The following SYNDIG1 variants were observed in gnomAD, a reference collection of about 807,000 sequenced individuals.
The protein encoded by SYNDIG1 is synapse differentiation-inducing gene protein 1.
Under a neutral mutation model 19.4 loss-of-function variants are expected in SYNDIG1, and 9 were observed. The observed-to-expected ratio is 0.46, with a 90% confidence interval of 0.28 to 0.81. SYNDIG1 has a LOEUF of 0.81. Ranked by LOEUF, SYNDIG1 falls within the 30% of genes least tolerant of loss-of-function variation. The pLI, the probability that SYNDIG1 is intolerant of heterozygous loss-of-function variation, is 0.12. For synonymous variants in SYNDIG1, 141 were observed against 145.9 expected (o/e 0.97, Z 0.24); for missense variants, 311 against 343.3 (o/e 0.91, Z 0.74).
intron 3 of SYNDIG1, among the ~76,000 whole-genome samples, chr20:24,634,838 G>A (rs760969081): frequency 2.0e-5 from 3 of 152,166 alleles, no homozygotes; most frequent in Non-Finnish European, 4.4e-5. Context: ...AAGGAGTCCT[G>A]GAGTATCTTC....
At chr20:24,615,762 C>T (rs1002480881) in intron 3 of SYNDIG1, among the ~76,000 whole-genome samples, 16 of 152,098 alleles carry the variant, frequency 1.1e-4, no homozygotes, top group African/African-American at 3.6e-4. Flanking sequence ...TGCTGCTGCC[C>T]GAAGTTCTTA....
intron 3 of SYNDIG1, among the ~76,000 whole-genome samples, chr20:24,588,540 G>A (rs75493168): frequency 0.02 from 3,085 of 152,250 alleles, 53 homozygotes; most frequent in Middle Eastern, 0.058. Context: ...AGAGTCTCTG[G>A]GGCAAAGCCC....
intron 3 of SYNDIG1, among the ~76,000 whole-genome samples, chr20:24,585,334 G>T (rs1202731588): frequency 6.6e-6 from 1 of 152,196 alleles, no homozygotes. Context: ...GTGTGTGTGG[G>T]GTGACCCCAG....
chr20:24,531,631 G>A (rs201740188), intron 1 of SYNDIG1, among the ~76,000 whole-genome samples: 2 of 150,114 alleles, frequency 1.3e-5, no homozygotes, highest in Non-Finnish European at 3.0e-5. Flanking sequence ...AGACAATTTT[G>A]AAAAAAAAAA....
chr20:24,643,443 C>T (rs974474852), intron 3 of SYNDIG1, among the ~76,000 whole-genome samples: 3 of 151,698 alleles, frequency 2.0e-5, no homozygotes, highest in South Asian at 2.1e-4. Context: ...GCTAGAGTGC[C>T]GTGTTCATGA....
At chr20:24,655,107 T>A (rs1241732742) in intron 3 of SYNDIG1, among the ~76,000 whole-genome samples, 1 of 152,042 alleles carries the variant, frequency 6.6e-6, no homozygotes, top group African/African-American at 2.4e-5. Context: ...GCAAAACAAA[T>A]TTCCAAAGTG....
At chr20:24,558,259 T>C (rs2057866312) in intron 2 of SYNDIG1, among the ~76,000 whole-genome samples, 2 of 152,140 alleles carry the variant, frequency 1.3e-5, no homozygotes, top group Admixed American at 1.3e-4. Flanking sequence ...TCTCTATTTA[T>C]CCAAAAAAAA....
chr20:24,505,176 G>A (rs1186220508), intron 1 of SYNDIG1, among the ~76,000 whole-genome samples: 3 of 152,150 alleles, frequency 2.0e-5, no homozygotes, highest in Non-Finnish European at 4.4e-5. Context: ...TGGCACCGCG[G>A]GCTACAGGGA....
intron 3 of SYNDIG1, among the ~76,000 whole-genome samples, chr20:24,653,696 A>G (rs1306907897): frequency 2.0e-5 from 3 of 152,218 alleles, no homozygotes; most frequent in African/African-American, 7.2e-5. Context: ...TAGGGCTGCC[A>G]TAACAAAATG....
intron 3 of SYNDIG1, among the ~76,000 whole-genome samples, chr20:24,617,956 G>A (rs1245541549): frequency 1.3e-5 from 2 of 148,256 alleles, no homozygotes; most frequent in Non-Finnish European, 3.0e-5. Context: ...CTGGGGAGGG[G>A]GAGACCCCGG....
intron 3 of SYNDIG1, among the ~76,000 whole-genome samples, chr20:24,591,433 T>C (rs1220759413): frequency 6.6e-6 from 1 of 151,968 alleles, no homozygotes; most frequent in Non-Finnish European, 1.5e-5. Context: ...TAGCTGAACA[T>C]AGTACATCTA....
chr20:24,616,814 G>A (rs898779474), intron 3 of SYNDIG1, among the ~76,000 whole-genome samples: 1 of 152,204 alleles, frequency 6.6e-6, no homozygotes, highest in African/African-American at 2.4e-5. Flanking sequence ...CTCCTCATAA[G>A]GTATGCACTT....
chr20:24,471,728 C>G (rs7262176), intron 1 of SYNDIG1, among the ~76,000 whole-genome samples: 5,646 of 152,160 alleles, frequency 0.037, 350 homozygotes, highest in African/African-American at 0.13. Flanking sequence ...TACCCCCCAC[C>G]CAGTCACCAC....
At chr20:24,645,474 C>A (rs1020872450) in intron 3 of SYNDIG1, among the ~76,000 whole-genome samples, 14 of 152,186 alleles carry the variant, frequency 9.2e-5, no homozygotes, top group African/African-American at 3.4e-4. Context: ...GTGGCTCTCA[C>A]TGAAACAGCT....
intron 3 of SYNDIG1, among the ~76,000 whole-genome samples, chr20:24,595,407 G>C (rs755559603): frequency 2.6e-5 from 4 of 152,026 alleles, no homozygotes; most frequent in Admixed American, 2.6e-4. Flanking sequence ...TGTGGTTTTT[G>C]CTGAGAATTT....
intron 1 of SYNDIG1, among the ~76,000 whole-genome samples, chr20:24,505,557 A>AAT (rs1277842670): frequency 6.6e-6 from 1 of 152,226 alleles, no homozygotes; most frequent in African/African-American, 2.4e-5. Flanking sequence ...AACATTTTTA[A>AAT]TAAAATTTAA....
intron 3 of SYNDIG1, among the ~76,000 whole-genome samples, chr20:24,601,228 C>T (rs1332253598): frequency 1.3e-5 from 2 of 152,120 alleles, no homozygotes; most frequent in Non-Finnish European, 2.9e-5. Context: ...TTTGTGTGCT[C>T]TTTTGCTTAA....
chr20:24,660,750 G>A (rs2059575688), intron 3 of SYNDIG1, among the ~76,000 whole-genome samples: 1 of 152,194 alleles, frequency 6.6e-6, no homozygotes, highest in African/African-American at 2.4e-5. Context: ...GGCCCTGTGT[G>A]TCCATCCACT....
At chr20:24,533,527 G>T (rs2057302112) in intron 1 of SYNDIG1, among the ~76,000 whole-genome samples, 1 of 152,106 alleles carries the variant, frequency 6.6e-6, no homozygotes, top group African/African-American at 2.4e-5. Context: ...AAACAAGCCT[G>T]GGGATGAGAA....
Sources: allele counts gnomAD v4.1 joint callset (sites outside exome capture counted in the v4.1 genomes callset), GRCh38; gene constraint gnomAD v4.1.1; transcripts MANE v1.5; gene names NCBI Gene and HGNC (gene_info 2026-07-23, HGNC 2026-07-21).